The following CEP83 variants were observed in gnomAD, a reference collection of about 807,000 sequenced individuals.
CEP83 encodes centrosomal protein 83, also known as centrosomal protein of 83 kDa.
Under a neutral mutation model 101.9 loss-of-function variants are expected in CEP83, and 70 were observed. The ratio of observed to expected loss-of-function variants is 0.69; its 90% CI spans 0.57 to 0.84. The LOEUF is 0.84. Among genes scored for constraint, CEP83 ranks in the 40% least tolerant of loss-of-function variants. The pLI, the probability that CEP83 is intolerant of heterozygous loss-of-function variation, is 0.00. For missense variants in CEP83, 715 were observed against 787.2 expected, an observed-to-expected ratio of 0.91 and a Z score of 1.10; for synonymous variants, 264 against 267.9, an observed-to-expected ratio of 0.99 and a Z score of 0.14.
At chr12:94,329,472 A>C (rs976502633) in intron 14 of CEP83, among the ~76,000 whole-genome samples, 8 of 152,102 alleles carry the variant, frequency 5.3e-5, no homozygotes, top group Non-Finnish European at 1.0e-4. Context: ...TATATTTTGT[A>C]GATTTTTAAA....
chr12:94,297,837 T>C, the CEP83 span, among the ~76,000 whole-genome samples: 1 of 152,208 alleles, frequency 6.6e-6, no homozygotes, highest in African/African-American at 2.4e-5. Context: ...AATCTTAATT[T>C]TTGTTTTTCA....
At chr12:94,435,169 T>A (rs1026108865) in intron 2 of CEP83, 106 bp downstream of exon 2, 1 of 152,220 alleles carries the variant, frequency 6.6e-6, no homozygotes, top group African/African-American at 2.4e-5. Flanking sequence ...TCTACTTACA[T>A]GTTCTCTCTA....
the CEP83 span, chr12:94,294,643 T>C: frequency 1.6e-6 from 1 of 607,960 alleles, no homozygotes; most frequent in Non-Finnish European, 3.1e-6. Context: ...GATTGAGTTG[T>C]TGCTATGTAA....
chr12:94,441,608 G>A (rs2066400944), intron 1 of CEP83, among the ~76,000 whole-genome samples: 1 of 152,202 alleles, frequency 6.6e-6, no homozygotes, highest in East Asian at 1.9e-4. Context: ...AAAACAGTGT[G>A]GAGATTCCTT....
chr12:94,272,867 G>A, the CEP83 span, among the ~76,000 whole-genome samples: 2 of 152,210 alleles, frequency 1.3e-5, no homozygotes, highest in Admixed American at 1.3e-4. Flanking sequence ...GGGTGAGGAG[G>A]TCAAGCCTCC....
At chr12:94,344,272 A>G (rs1355867415) in intron 11 of CEP83, among the ~76,000 whole-genome samples, 1 of 152,260 alleles carries the variant, frequency 6.6e-6, no homozygotes, top group African/African-American at 2.4e-5. Flanking sequence ...ATAATAATTA[A>G]AACACTATAT....
the CEP83 span, among the ~76,000 whole-genome samples, chr12:94,275,554 C>G: frequency 6.6e-6 from 1 of 152,144 alleles, no homozygotes; most frequent in Non-Finnish European, 1.5e-5. Flanking sequence ...GTACTTACGC[C>G]TTAAGAAACT....
At chr12:94,376,690 T>TATACACACAC (rs1555235995) in intron 7 of CEP83, among the ~76,000 whole-genome samples, 3,468 of 117,088 alleles carry the variant, frequency 0.03, 53 homozygotes, top group African/African-American at 0.044. Flanking sequence ...TATACATATA[T>TATACACACAC]ACACACACAC....
chr12:94,282,116 C>T, the CEP83 span: 1 of 525,268 alleles, frequency 1.9e-6, no homozygotes. Flanking sequence ...CATCAGAGCC[C>T]TAAACAAACA....
the CEP83 span, among the ~76,000 whole-genome samples, chr12:94,271,208 C>A: frequency 6.6e-6 from 1 of 152,120 alleles, no homozygotes; most frequent in Admixed American, 6.5e-5. Flanking sequence ...TGCTCCAAGG[C>A]CTTTTATGAT....
At chr12:94,317,031 T>G (rs1970813714) in intron 14 of CEP83, among the ~76,000 whole-genome samples, 1 of 152,142 alleles carries the variant, frequency 6.6e-6, no homozygotes, top group South Asian at 2.1e-4. Context: ...TAATTTACAC[T>G]CCCACCAACA....
chr12:94,322,935 G>A (rs796817955), intron 14 of CEP83, among the ~76,000 whole-genome samples: 6 of 152,316 alleles, frequency 3.9e-5, no homozygotes, highest in African/African-American at 1.2e-4. Context: ...CCATTGAAAA[G>A]CAGGGTCTGG....
Position 94,378,832 on chromosome 12 carries a change from G to C in CEP83, c.760C>G (p.Arg254Gly). 2 of 1,613,976 alleles carry C rather than the reference G, an allele frequency of 1.2e-6. No individual in the cohort carries two copies. The highest frequency in any genetic ancestry group is 1.7e-6 in the Non-Finnish European group (2 of 1,179,932). ...QVENAQRIQV[R>G]QLAEMQATVR... is the part of the protein sequence containing the mutation. ...GTAGCCTGCATCTCAGCCAACTGCC[G>C]CACCTGTATTCTTTGGGCATTTTCC... The change falls in exon 7 of 17, where the codon CGG becomes GGG. Residue 254 changes from arginine to glycine, a missense_variant. Physicochemically the swap from Arg to Gly is moderately radical, Grantham distance 125 (BLOSUM62 -2). Coordinates refer to ENST00000397809, the MANE Select transcript of CEP83 (RefSeq NM_016122.3).
chr12:94,376,688 T>C (rs1308986308), intron 7 of CEP83, among the ~76,000 whole-genome samples: 6 of 87,538 alleles, frequency 6.9e-5, no homozygotes, highest in East Asian at 5.6e-4. Flanking sequence ...TATATACATA[T>C]ATACACACAC....
At chr12:94,334,656 A>G (rs2059379276) in intron 12 of CEP83, among the ~76,000 whole-genome samples, 1 of 152,198 alleles carries the variant, frequency 6.6e-6, no homozygotes, top group Non-Finnish European at 1.5e-5. Context: ...TAATCTCATT[A>G]CTTCCTAATG....
intron 11 of CEP83, among the ~76,000 whole-genome samples, chr12:94,353,238 T>C (rs1314193632): frequency 6.6e-6 from 1 of 152,150 alleles, no homozygotes; most frequent in East Asian, 1.9e-4. Flanking sequence ...CAAAATACTA[T>C]ACCCAGCAAA....
the CEP83 span, among the ~76,000 whole-genome samples, chr12:94,294,247 C>T: frequency 4.8e-4 from 73 of 152,288 alleles, no homozygotes; most frequent in African/African-American, 1.6e-3. Flanking sequence ...ACCCCACTGC[C>T]TCCCATGGCC....
At chr12:94,298,443 A>AT in the CEP83 span, among the ~76,000 whole-genome samples, 5 of 152,190 alleles carry the variant, frequency 3.3e-5, no homozygotes, top group Non-Finnish European at 7.3e-5. Context: ...CTGGGCATGG[A>AT]TTTTCAAGAC....
At chr12:94,410,708 T>C (rs767278293) in intron 4 of CEP83, among the ~76,000 whole-genome samples, 1 of 152,218 alleles carries the variant, frequency 6.6e-6, no homozygotes, top group Non-Finnish European at 1.5e-5. Context: ...AATTAATGCA[T>C]TGATTCTACA....
Sources: gnomAD v4.1 joint callset for allele counts (sites outside exome capture counted in the v4.1 genomes callset) on GRCh38, gnomAD v4.1.1 for gene constraint, MANE v1.5 for transcripts, NCBI Gene and HGNC (gene_info 2026-07-23, HGNC 2026-07-21) for gene names.